The following PRKCA variants were observed in gnomAD, a reference collection of about 807,000 sequenced individuals.
The protein encoded by PRKCA is protein kinase C alpha, also known as protein kinase C alpha type.
PRKCA carries 27 observed loss-of-function variants against 87.0 expected under a neutral mutation model. The ratio of observed to expected loss-of-function variants is 0.31; its 90% CI spans 0.23 to 0.43. The LOEUF (loss-of-function observed/expected upper bound fraction) is 0.43, where lower values mean the gene tolerates loss of function less well. Among genes scored for constraint, PRKCA ranks in the 20% least tolerant of loss-of-function variants. The probability of loss-of-function intolerance (pLI) is 1.00; values close to 1 mark genes in which losing one functional copy is unlikely to be tolerated. For missense variants in PRKCA, 518 were observed against 852.3 expected (o/e 0.61, Z 4.88); for synonymous variants, 329 against 311.1 (o/e 1.06, Z -0.61).
At chr17:66,752,586 A>T (rs1243208996) in intron 13 of PRKCA, among the ~76,000 whole-genome samples, 1 of 152,110 alleles carries the variant, frequency 6.6e-6, no homozygotes, top group East Asian at 1.9e-4. Flanking sequence ...CAACAGCAAG[A>T]CTCTGTCACC....
chr17:66,444,548 G>T (rs1413855196), intron 2 of PRKCA, among the ~76,000 whole-genome samples: 1 of 152,114 alleles, frequency 6.6e-6, no homozygotes, highest in Non-Finnish European at 1.5e-5. Flanking sequence ...CCTTCTTTAT[G>T]ACCTTCCAGG....
At chr17:66,478,480 C>T (rs886267441) in intron 2 of PRKCA, among the ~76,000 whole-genome samples, 8 of 152,076 alleles carry the variant, frequency 5.3e-5, no homozygotes, top group Non-Finnish European at 1.2e-4. Flanking sequence ...TCTTGAACTC[C>T]TGACCTCAGG....
chr17:66,517,521 G>C (rs889086937), intron 3 of PRKCA, among the ~76,000 whole-genome samples: 3 of 152,130 alleles, frequency 2.0e-5, no homozygotes, highest in Non-Finnish European at 4.4e-5. Context: ...TGTCCTCAGT[G>C]CTTACACAGA....
intron 3 of PRKCA, 39 bp downstream of exon 3, chr17:66,496,322 A>G: frequency 3.9e-6 from 6 of 1,545,496 alleles, no homozygotes; most frequent in Non-Finnish European, 5.3e-6. Flanking sequence ...GTCAATGTGG[A>G]TTTCTGAGCT....
At chr17:66,563,298 CT>C (rs1968773810) in intron 3 of PRKCA, among the ~76,000 whole-genome samples, 3 of 152,114 alleles carry the variant, frequency 2.0e-5, no homozygotes, top group Admixed American at 6.5e-5. Flanking sequence ...TACAGAGGAT[CT>C]TCACTGCCCT....
rs77926206 is a variant in PRKCA, at chr17:66,349,473, G to A, written c.205+43346G>A. ...GGCTTGGTGAGTATGGAGCTGTTCC[G>A]CAGTAGAGGTTTGCAAAGAAACCAT... is the stretch of plus-strand genomic sequence containing the variant. On this transcript the variant is annotated intron_variant, in intron 2 of 16. Transcript: ENST00000413366. 5.3e-3 allele frequency among the ~76,000 whole-genome samples: 801 copies of A among 152,196 alleles called. 10 individuals are homozygous for A. The highest frequency in any genetic ancestry group is 0.043 in the East Asian group (219 of 5,150).
rs763583252 is a variant in PRKCA, at chr17:66,688,884, G to C, written c.822-67G>C. On this transcript the variant is annotated intron_variant, in intron 7 of 16. Transcript: ENST00000413366. ...TAGGATGCGTTTCACAAAACCGCTC[G>C]ACTAGAGGCTGCAGGAAAGGCTTGT... 3.8e-5 allele frequency: 38 copies of C among 1,008,440 alleles called. No homozygotes were observed. The African/African-American group carries it at 6.0e-4, about 16-fold the overall frequency. The allele number at this position is 1,008,440 out of a possible 1,614,324, so 62.5% of individuals were successfully genotyped here.
At chr17:66,380,923 T>C (rs1430169020) in intron 2 of PRKCA, among the ~76,000 whole-genome samples, 1 of 150,812 alleles carries the variant, frequency 6.6e-6, no homozygotes, top group Non-Finnish European at 1.5e-5. Context: ...GAATCTAAGG[T>C]ATTTTTATTT....
chr17:66,550,835 C>A lies in PRKCA; in HGVS notation c.288+54552C>A, dbSNP rs142037900. The stretch of plus-strand genomic sequence containing the variant: ...ACACATTCGTCTTTCTTGCAAAGAG[C>A]TTGCAATGCTGTATTCTGTTGAGCA... On this transcript the variant is annotated intron_variant, in intron 3 of 16. Transcript: ENST00000413366. Among the ~76,000 whole-genome samples the A allele has an allele frequency of 3.0e-4, 45 of 152,266 alleles. No homozygotes were observed. In the East Asian group the frequency reaches 7.5e-3, roughly 25 times the overall value.
At chr17:66,454,746 C>T (rs1914502661) in intron 2 of PRKCA, among the ~76,000 whole-genome samples, 1 of 152,238 alleles carries the variant, frequency 6.6e-6, no homozygotes, top group African/African-American at 2.4e-5. Context: ...CACTGGCTCC[C>T]TCCCCCAATG....
chr17:66,614,923 G>A (rs1178527295), intron 3 of PRKCA, among the ~76,000 whole-genome samples: 2 of 152,012 alleles, frequency 1.3e-5, no homozygotes, highest in Non-Finnish European at 1.5e-5. Context: ...ACAGCAGACT[G>A]AATGAGAATG....
At chr17:66,588,006 A>T (rs72845938) in intron 3 of PRKCA, among the ~76,000 whole-genome samples, 9,342 of 150,146 alleles carry the variant, frequency 0.062, 377 homozygotes, top group Non-Finnish European at 0.089. Context: ...CAGAAGGGGA[A>T]CTGCCAGTCA....
intron 14 of PRKCA, chr17:66,775,659 G>A (rs1246886626): frequency 3.0e-6 from 3 of 985,454 alleles, no homozygotes; most frequent in Non-Finnish European, 3.6e-6. Flanking sequence ...GCCATGCTGT[G>A]CGACAGAGCC....
chr17:66,682,144 G>A (rs1027939071), intron 5 of PRKCA, among the ~76,000 whole-genome samples: 19 of 152,138 alleles, frequency 1.2e-4, no homozygotes, highest in African/African-American at 4.1e-4. Context: ...CTGGGTTCCC[G>A]AGCCACCTGC....
chr17:66,613,087 C>G (rs1158314311), intron 3 of PRKCA, among the ~76,000 whole-genome samples: 1 of 152,060 alleles, frequency 6.6e-6, no homozygotes, highest in African/African-American at 2.4e-5. Context: ...AAATCTTATC[C>G]CCAAATCTAA....
intron 8 of PRKCA, among the ~76,000 whole-genome samples, chr17:66,701,518 C>T (rs987982805): frequency 1.3e-5 from 2 of 152,044 alleles, no homozygotes; most frequent in African/African-American, 4.8e-5. Flanking sequence ...AAAAGGCAAC[C>T]TGTGGAATAG....
intron 2 of PRKCA, among the ~76,000 whole-genome samples, chr17:66,330,384 G>A (rs1906258294): frequency 6.6e-6 from 1 of 152,318 alleles, no homozygotes; most frequent in Admixed American, 6.5e-5. Flanking sequence ...TGGGATTACA[G>A]GCGTGAGCCA....
Position 66,792,654 on chromosome 17 carries a change from A to G in PRKCA, c.1854+3675A>G, listed in dbSNP as rs532979574. 2.6e-5 allele frequency among the ~76,000 whole-genome samples: 4 copies of G among 152,262 alleles called. No individual in the cohort carries two copies. Among genetic ancestry groups the G allele is most frequent in the Non-Finnish European group, 5.9e-5 (4 of 68,048 alleles). On this transcript the variant is annotated intron_variant, in intron 16 of 16. Coordinates refer to ENST00000413366, the MANE Select transcript of PRKCA (RefSeq NM_002737.3). This position sits in a 1 kb window ranked among gnomAD's most constrained non-coding sequence, Gnocchi z 4.5. ...ACGGGACTTTCCATCTCACGGCGAC[A>G]TTAAGATCAAGATCTGCAGTACAGC...
At chr17:66,336,619 A>G (rs1906678474) in intron 2 of PRKCA, among the ~76,000 whole-genome samples, 1 of 86,730 alleles carries the variant, frequency 1.2e-5, no homozygotes, top group South Asian at 4.1e-4. Context: ...TGGGGGAGTA[A>G]TTTAAAAGTA....
Sources: gnomAD v4.1 joint callset for allele counts (sites outside exome capture counted in the v4.1 genomes callset) on GRCh38, gnomAD v4.1.1 for gene constraint, Gnocchi (gnomAD v3.1) non-coding constraint, MANE v1.5 for transcripts, NCBI Gene and HGNC (gene_info 2026-07-23, HGNC 2026-07-21) for gene names.